The following PIMREG variants were observed in gnomAD, a reference collection of about 807,000 sequenced individuals.
PIMREG encodes the protein protein PIMREG.
A neutral mutation model predicts 24.3 loss-of-function variants in PIMREG; 19 were observed. The observed-to-expected ratio is 0.78, with a 90% CI of 0.54 to 1.15. The LOEUF is 1.15. PIMREG is among the 50% of genes most tolerant of loss of function. The probability of loss-of-function intolerance (pLI) is 0.00; values close to 1 mark genes in which losing one functional copy is unlikely to be tolerated. For synonymous variants in PIMREG, 112 were observed against 124.1 expected, an observed-to-expected ratio of 0.90 and a Z score of 0.65; for missense variants, 283 against 306.8, an observed-to-expected ratio of 0.92 and a Z score of 0.58.
At chr17:6,445,585 G>A (rs540257588) in intron 2 of PIMREG, among the ~76,000 whole-genome samples, 181 bp downstream of exon 2, 4 of 152,334 alleles carry the variant, frequency 2.6e-5, no homozygotes, top group Non-Finnish European at 2.9e-5. Context: ...ACAAATAGTT[G>A]AATGAGTGAA....
In PIMREG at chr17:6,449,953, T is replaced by C. The variant is rs1913754163; in HGVS notation, c.687-75T>C. ...CCTACCACATTTCCGGGTCTGATCT[T>C]GTGTAGCTCAGGCTGGGAGGGCCCT... is the stretch of plus-strand genomic sequence containing the variant. On this transcript the variant is annotated intron_variant, in intron 4 of 5. Transcript: ENST00000572447. 6 of 1,524,374 alleles carry C rather than the reference T, an allele frequency of 3.9e-6. No individual in the cohort carries two copies. In the South Asian group the frequency reaches 6.7e-5, roughly 17 times the overall value. 94.4% of individuals were successfully genotyped at this position (1,524,374 alleles called of 1,614,324 possible).
intron 4 of PIMREG, chr17:6,449,639 CATGTTTGT>C: frequency 7.6e-7 from 1 of 1,322,650 alleles, no homozygotes; most frequent in East Asian, 2.7e-5. Context: ...CTTGGGACCC[CATGTTTGT>C]CCATCACTTG....
rs929694879 is a variant in PIMREG, at chr17:6,447,215, G to A, written c.295-248G>A. The A allele has an allele frequency of 1.3e-4, 53 of 409,124 alleles. 1 individual carries two copies. Among genetic ancestry groups the A allele is most frequent in the African/African-American group, 8.6e-4 (43 of 49,950 alleles). The allele number at this position is 409,124 out of a possible 1,614,324, so 25.3% of individuals were successfully genotyped here. On this transcript the variant is annotated intron_variant, in intron 2 of 5. Transcript: ENST00000572447. ...CAACCTCCGCCTCCCGGGTTCAAGCGACTCTCATGCCTCAGCCACCCAAGT... is the reference window on the plus strand; with the variant it reads ...CAACCTCCGCCTCCCGGGTTCAAGCAACTCTCATGCCTCAGCCACCCAAGT...
Position 6,444,965 on chromosome 17 carries a change from C to T in PIMREG, c.-35-111C>T, listed in dbSNP as rs982062008. ...CACCCACACTTACCAACTCGCCCGC[C>T]CCCGCCACCCCGCTGCATCCCGTCT... On this transcript the variant is annotated intron_variant, in intron 1 of 5. Transcript: ENST00000572447. The surrounding 1 kb of genome is among the most constrained non-coding windows in gnomAD (Gnocchi z 4.3). 2.4e-6 allele frequency: 2 copies of T among 844,938 alleles called. No homozygotes were observed. Among genetic ancestry groups the T allele is most frequent in the African/African-American group, 3.5e-5 (2 of 57,686 alleles). 52.3% of individuals were successfully genotyped at this position (844,938 alleles called of 1,614,324 possible).
Position 6,445,352 on chromosome 17 carries a change from G to A in PIMREG, c.242G>A (p.Gly81Asp), listed in dbSNP as rs1272345349. The change falls in exon 2 of 6, where the codon GGC (glycine) becomes GAC (aspartate). Residue 81 changes from glycine to aspartate, a missense_variant. By Grantham distance (94) the Gly-to-Asp change is moderately conservative. Transcript: ENST00000572447. ...GAAACCCCAGAGCCAGGTCAGCAGG[G>A]CCTCCAGGCTGCAGCTCGCTCAGCT... is the stretch of plus-strand genomic sequence containing the variant. ...RLETPEPGQQ[G>D]LQAAARSAKS... 4 of 1,614,056 alleles carry A rather than the reference G, an allele frequency of 2.5e-6. No individual in the cohort carries two copies. Among genetic ancestry groups the A allele is most frequent in the Admixed American group, 1.7e-5 (1 of 60,022 alleles).
rs1163707767 is a variant in PIMREG, at chr17:6,444,631, C to T, written c.-36+143C>T. ...GGGGAGGGCATCAGGTTCGGACACG[C>T]ACGGCCTGTGGGGTCGTCTGGGTAC... On this transcript the variant is annotated intron_variant, in intron 1 of 5. Transcript: ENST00000572447. The surrounding 1 kb of genome is among the most constrained non-coding windows in gnomAD (Gnocchi z 4.3). 6.4e-6 allele frequency: 1 copy of T among 156,800 alleles called. No individual in the cohort carries two copies. The highest frequency in any genetic ancestry group is 1.9e-4 in the East Asian group (1 of 5,230). 9.7% of individuals were successfully genotyped at this position (156,800 alleles called of 1,614,324 possible).
chr17:6,447,338 A>T, intron 2 of PIMREG, 125 bp from the exon 3 acceptor site: 1 of 1,070,966 alleles, frequency 9.3e-7, no homozygotes, highest in Non-Finnish European at 1.4e-6. Context: ...CTGGTCTCAA[A>T]ATCCTGACCT....
chr17:6,445,363 G>A lies in PIMREG; in HGVS notation c.253G>A (p.Ala85Thr). ...GCCAGGTCAGCAGGGCCTCCAGGCT[G>A]CAGCTCGCTCAGCTAAGAGTGCTTT... ...PEPGQQGLQAAARSAKSALGA... is the reference protein window; with the variant it reads ...PEPGQQGLQATARSAKSALGA... Residue 85 changes from alanine (A) to threonine (T), a missense_variant, in exon 2 of 6, where the codon GCA (alanine) becomes ACA (threonine). Transcript: ENST00000572447. 6.2e-7 allele frequency: 1 copy of A among 1,613,988 alleles called. No individual in the cohort carries two copies. The highest frequency in any genetic ancestry group is 8.5e-7 in the Non-Finnish European group (1 of 1,179,904).
At chr17:6,448,628 C>T (rs1913683896) in intron 3 of PIMREG, among the ~76,000 whole-genome samples, 1 of 152,126 alleles carries the variant, frequency 6.6e-6, no homozygotes, top group South Asian at 2.1e-4. Context: ...GATGTTCTGC[C>T]CCACCGATCA....
chr17:6,445,215 T>C lies in PIMREG; in HGVS notation c.105T>C (p.His35=). 1 of 1,613,624 alleles carries C rather than the reference T, an allele frequency of 6.2e-7. No individual in the cohort carries two copies. The highest frequency in any genetic ancestry group is 8.5e-7 in the Non-Finnish European group (1 of 1,179,912). Residue 35 remains histidine, a synonymous_variant, in exon 2 of 6, where the codon CAT becomes CAC. Coordinates refer to ENST00000572447, the MANE Select transcript of PIMREG (RefSeq NM_019013.3). ...AGGAGCTGCAGCCTGTGGTCAGCCA[T>C]CAGGAGACCTCTGTAGGGGCCCTGG... is the stretch of plus-strand genomic sequence containing the variant. ...DSKELQPVVS[H]QETSVGALGS...
intron 4 of PIMREG, 36 bp downstream of exon 4, chr17:6,449,443 C>T (rs903651462): frequency 4.5e-6 from 7 of 1,571,742 alleles, no homozygotes; most frequent in East Asian, 2.2e-5. Flanking sequence ...GTGAAGGGGC[C>T]GGGAGGGCCC....
In PIMREG at chr17:6,445,315, T is replaced by C; in HGVS notation, c.205T>C (p.Trp69Arg). ...VNLNLRAGPS[W>R]KRLETPEPGQ... The stretch of plus-strand genomic sequence containing the variant: ...CCTCAACCTCCGCGCAGGGCCCTCC[T>C]GGAAACGCCTGGAAACCCCAGAGCC... The change falls in exon 2 of 6, where the codon TGG becomes CGG. Residue 69 changes from tryptophan (W) to arginine (R), a missense_variant. Physicochemically the swap from Trp to Arg is moderately radical, Grantham distance 101 (BLOSUM62 -3). Transcript: ENST00000572447. The C allele has an allele frequency of 6.2e-7, 1 of 1,614,010 alleles. No individual in the cohort carries two copies. The highest frequency in any genetic ancestry group is 8.5e-7 in the Non-Finnish European group (1 of 1,179,968).
At position 6,450,064 on chromosome 17, in the gene PIMREG, T is replaced by C. The variant is rs768531809; in HGVS notation, c.*6T>C. The C allele has an allele frequency of 6.2e-7, 1 of 1,614,090 alleles. No homozygotes were observed. Among genetic ancestry groups the C allele is most frequent in the Non-Finnish European group, 8.5e-7 (1 of 1,179,954 alleles). On this transcript the variant is annotated 3_prime_UTR_variant, in exon 5 of 6. Coordinates refer to ENST00000572447, the MANE Select transcript of PIMREG (RefSeq NM_019013.3). ...TCTCTCTCATTCATGACTGAGGAAG[T>C]GCCTGCAGGTAATGCCCACCTCCCA...
chr17:6,448,474 T>C (rs371640874), intron 3 of PIMREG, among the ~76,000 whole-genome samples: 1 of 152,144 alleles, frequency 6.6e-6, no homozygotes, highest in Non-Finnish European at 1.5e-5. Context: ...TTTAGCCTAA[T>C]AGGAACTTTG....
Position 6,445,302 on chromosome 17 carries a change from C to G in PIMREG, c.192C>G (p.Arg64=). Residue 64 remains arginine (R), a synonymous_variant, in exon 2 of 6, where the codon CGC becomes CGG. Transcript: ENST00000572447. ...TGAGAGCCGTCAACCTCAACCTCCG[C>G]GCAGGGCCCTCCTGGAAACGCCTGG... ...LPLRAVNLNL[R]AGPSWKRLET... The G allele has an allele frequency of 6.2e-7, 1 of 1,614,044 alleles. No individual in the cohort carries two copies. Among genetic ancestry groups the G allele is most frequent in the South Asian group, 1.1e-5 (1 of 91,074 alleles).
chr17:6,448,762 GCT>G (rs1332721081), intron 3 of PIMREG, among the ~76,000 whole-genome samples: 1 of 152,176 alleles, frequency 6.6e-6, no homozygotes, highest in African/African-American at 2.4e-5. Context: ...CCATCTCGGA[GCT>G]CTCAGGGAAG....
Position 6,445,340 on chromosome 17 carries a change from C to G in PIMREG, c.230C>G (p.Pro77Arg), listed in dbSNP as rs1217191599. ...TGGAAACGCCTGGAAACCCCAGAGCCAGGTCAGCAGGGCCTCCAGGCTGCA... is the reference window on the plus strand; with the variant it reads ...TGGAAACGCCTGGAAACCCCAGAGCGAGGTCAGCAGGGCCTCCAGGCTGCA... ...PSWKRLETPE[P>R]GQQGLQAAAR... Residue 77 changes from proline (P) to arginine (R), a missense_variant, in exon 2 of 6, where the codon CCA becomes CGA. Transcript: ENST00000572447. 1 of 1,614,112 alleles carries G rather than the reference C, an allele frequency of 6.2e-7. No homozygotes were observed.
At position 6,450,223 on chromosome 17, in the gene PIMREG, A is replaced by G; in HGVS notation, c.*15-139A>G. The G allele has an allele frequency of 3.6e-6, 4 of 1,108,460 alleles. No homozygotes were observed. The South Asian group carries it at 5.6e-5, about 16-fold the overall frequency. The allele number at this position is 1,108,460 out of a possible 1,614,324, so 68.7% of individuals were successfully genotyped here. Reference sequence around the variant, plus strand: ...GAAGCCAGAGCTGCTAACCTCACTGACCCCGTCATTAACAGCACGCTGGGG... The same window carrying G: ...GAAGCCAGAGCTGCTAACCTCACTGGCCCCGTCATTAACAGCACGCTGGGG... On this transcript the variant is annotated intron_variant, in intron 5 of 5. Coordinates refer to ENST00000572447, the MANE Select transcript of PIMREG (RefSeq NM_019013.3).
At chr17:6,449,500 G>C in intron 4 of PIMREG, 93 bp downstream of exon 4, 1 of 1,219,596 alleles carries the variant, frequency 8.2e-7, no homozygotes, top group South Asian at 1.5e-5. Flanking sequence ...CTGACCTGCT[G>C]TGTGACCCTG....
Sources: gnomAD v4.1 joint callset for allele counts (sites outside exome capture counted in the v4.1 genomes callset) on GRCh38, gnomAD v4.1.1 for gene constraint, Gnocchi (gnomAD v3.1) non-coding constraint, MANE v1.5 for transcripts, NCBI Gene and HGNC (gene_info 2026-07-23, HGNC 2026-07-21) for gene names.